Variants in KDM2B observed in about 807,000 individuals in gnomAD.
KDM2B encodes the protein lysine-specific demethylase 2B.
KDM2B carries 26 observed loss-of-function variants against 150.0 expected under a neutral mutation model. The observed-to-expected ratio is 0.17, with a 90% CI of 0.13 to 0.24. KDM2B has a LOEUF of 0.24. KDM2B is among the 10% of genes least tolerant of loss of function. KDM2B has a pLI of 1.00. For missense variants in KDM2B, 1,265 were observed against 1,816.9 expected (o/e 0.70, Z 5.52); for synonymous variants, 734 against 729.5 (o/e 1.01, Z -0.10).
the KDM2B span, chr12:121,417,599 G>A: frequency 1.2e-6 from 2 of 1,614,216 alleles, no homozygotes; most frequent in South Asian, 1.1e-5. The surrounding 1 kb of genome is among the most constrained non-coding windows in gnomAD (Gnocchi z 5.0). Context: ...TATTACAAGA[G>A]ACAGCATTTC....
intron 17 of KDM2B, 37 bp downstream of exon 17, chr12:121,443,643 C>A (rs781873146): frequency 6.1e-6 from 8 of 1,312,246 alleles, no homozygotes; most frequent in Non-Finnish European, 7.7e-6. Flanking sequence ...ACTCGCCAGT[C>A]CCCGGGGCCT....
chr12:121,517,013 G>A, intron 9 of KDM2B: 2 of 586,876 alleles, frequency 3.4e-6, no homozygotes, highest in East Asian at 5.6e-5. Flanking sequence ...TTCTGGGAAG[G>A]CTGCTTTCAC....
intron 12 of KDM2B, among the ~76,000 whole-genome samples, chr12:121,466,583 C>T (rs1879979775): frequency 6.6e-6 from 1 of 151,584 alleles, no homozygotes; most frequent in Middle Eastern, 3.4e-3. Context: ...GCCCGCGGCT[C>T]GCACCCCTTC....
chr12:121,442,850 C>A lies in KDM2B; in HGVS notation c.2605-14G>T. On this transcript the variant is annotated splice_polypyrimidine_tract_variant and intron_variant, in intron 18 of 22. Transcript: ENST00000377071. The surrounding 1 kb of genome is among the most constrained non-coding windows in gnomAD (Gnocchi z 7.7). ...CCAGGACCGCCGCTGAGGGCGAGAG[C>A]GGAGACGCGTCAGCCTCTGGGGCTC... The A allele has an allele frequency of 6.6e-7, 1 of 1,516,342 alleles. No homozygotes were observed. 93.9% of individuals were successfully genotyped at this position (1,516,342 alleles called of 1,614,324 possible).
chr12:121,441,046 CG>C (rs782747387), intron 20 of KDM2B, 23 bp downstream of exon 20: 11 of 1,613,458 alleles, frequency 6.8e-6, no homozygotes, highest in Admixed American at 1.7e-5. Flanking sequence ...CAGACACACT[CG>C]GGGCCACTGG....
Position 121,467,205 on chromosome 12 carries a change from T to TGGCCATGGCTCATGGTG in KDM2B, c.1735-13878_1735-13862dup. On this transcript the variant is annotated intron_variant, in intron 12 of 22. Transcript: ENST00000377071. This position sits in a 1 kb window ranked among gnomAD's most constrained non-coding sequence, Gnocchi z 5.1. The stretch of plus-strand genomic sequence containing the variant: ...TCGTCGTCCTCGGCGCTCACGGACA[T>TGGCCATGGCTCATGGTG]GGCCATGGCTCATGGTGGGCCCAGG... 1.4e-5 allele frequency: 15 copies of TGGCCATGGCTCATGGTG among 1,098,272 alleles called. No individual in the cohort carries two copies. Among genetic ancestry groups the TGGCCATGGCTCATGGTG allele is most frequent in the Non-Finnish European group, 1.7e-5 (15 of 888,286 alleles). The allele number at this position is 1,098,272 out of a possible 1,614,324, so 68.0% of individuals were successfully genotyped here.
rs1885793429 is a variant in KDM2B at position 121,513,758 on chromosome 12, T to C, written c.1048-356A>G. Reference sequence around the variant, plus strand: ...CCTGCAGGTGGGAGCCGCTGCCTGATTCTAGCTACAACAGACATAGGTTCC... The same window carrying C: ...CCTGCAGGTGGGAGCCGCTGCCTGACTCTAGCTACAACAGACATAGGTTCC... On this transcript the variant is annotated intron_variant, in intron 9 of 22. Coordinates refer to ENST00000377071, the MANE Select transcript of KDM2B (RefSeq NM_032590.5). The surrounding 1 kb of genome is among the most constrained non-coding windows in gnomAD (Gnocchi z 5.0). Among the ~76,000 whole-genome samples the C allele has an allele frequency of 6.6e-6, 1 of 152,138 alleles. No homozygotes were observed. Among genetic ancestry groups the C allele is most frequent in the Non-Finnish European group, 1.5e-5 (1 of 68,014 alleles).
chr12:121,418,660 A>C, the KDM2B span: 1 of 152,190 alleles, frequency 6.6e-6, no homozygotes, highest in Non-Finnish European at 1.5e-5. Context: ...ACGAGGCTGC[A>C]GGTGTACCAT....
chr12:121,423,264 C>G, the KDM2B span: 1 of 657,756 alleles, frequency 1.5e-6, no homozygotes, highest in Non-Finnish European at 2.6e-6. This position sits in a 1 kb window ranked among gnomAD's most constrained non-coding sequence, Gnocchi z 4.3. Context: ...TTGTACAACA[C>G]TGGGGTGGCA....
intron 11 of KDM2B, among the ~76,000 whole-genome samples, chr12:121,496,628 G>C (rs113538466): frequency 0.016 from 2,379 of 151,672 alleles, 74 homozygotes; most frequent in African/African-American, 0.055. Context: ...CTCAGTAGCC[G>C]GGACTACAAG....
In KDM2B at chr12:121,520,382, G is replaced by C. The variant is rs1555305657; in HGVS notation, c.1047+603C>G. On this transcript the variant is annotated intron_variant, in intron 9 of 22. Transcript: ENST00000377071. This position sits in a 1 kb window ranked among gnomAD's most constrained non-coding sequence, Gnocchi z 4.5. ...TTCGTAGGACATGGGGTGAGTGAGG[G>C]AAACTTGACGTCTGGGAAACTAGCA... is the stretch of plus-strand genomic sequence containing the variant. 6.6e-6 allele frequency among the ~76,000 whole-genome samples: 1 copy of C among 152,088 alleles called. No individual in the cohort carries two copies. The highest frequency in any genetic ancestry group is 1.5e-5 in the Non-Finnish European group (1 of 68,022).
intron 4 of KDM2B, among the ~76,000 whole-genome samples, chr12:121,567,939 G>A (rs1890828442): frequency 6.6e-6 from 1 of 151,860 alleles, no homozygotes; most frequent in African/African-American, 2.4e-5. Flanking sequence ...ATGTTGGCCA[G>A]GCTGATCTAG....
chr12:121,421,647 AG>A, the KDM2B span, among the ~76,000 whole-genome samples: 1 of 152,216 alleles, frequency 6.6e-6, no homozygotes, highest in African/African-American at 2.4e-5. Flanking sequence ...TTTATGGACA[AG>A]AAAAAATAAT....
the KDM2B span, chr12:121,417,468 A>T: frequency 2.6e-6 from 4 of 1,566,606 alleles, no homozygotes; most frequent in Non-Finnish European, 3.5e-6. The surrounding 1 kb of genome is among the most constrained non-coding windows in gnomAD (Gnocchi z 5.0). Flanking sequence ...ATAATGGTTT[A>T]TATCTTGCTG....
the KDM2B span, chr12:121,417,797 CT>C: frequency 6.2e-7 from 1 of 1,614,136 alleles, no homozygotes; most frequent in Admixed American, 1.7e-5. This position sits in a 1 kb window ranked among gnomAD's most constrained non-coding sequence, Gnocchi z 5.0. Flanking sequence ...AGACTTCTAG[CT>C]TTTTTACACG....
chr12:121,479,456 G>A (rs559059321), intron 12 of KDM2B, among the ~76,000 whole-genome samples: 1 of 108,930 alleles, frequency 9.2e-6, no homozygotes, highest in Non-Finnish European at 1.8e-5. Flanking sequence ...GACAGAGCGA[G>A]ACCCTGTCTC....
In KDM2B at chr12:121,444,526, G is replaced by A. The variant is rs1875794238; in HGVS notation, c.2114C>T (p.Ser705Leu). The A allele has an allele frequency of 1.2e-6, 2 of 1,614,052 alleles. No individual in the cohort carries two copies. ...IHPGCLKIKE[S>L]EGVVNDELPN... ...AAGCTCGTCGTTGACCACACCCTCT[G>A]ACTCCTTAATCTGCGGGGAACACCA... is the stretch of plus-strand genomic sequence containing the variant. Residue 705 changes from serine to leucine, a missense_variant, in exon 15 of 23, where the codon TCA (serine) becomes TTA (leucine). Physicochemically the swap from Ser to Leu is moderately radical, Grantham distance 145 (BLOSUM62 -2). This residue lies in a region of KDM2B where 38 missense variants were observed against 98.1 expected (regional missense o/e 0.39). Transcript: ENST00000377071.
chr12:121,451,478 G>A (rs1877274019), intron 13 of KDM2B, among the ~76,000 whole-genome samples: 1 of 152,168 alleles, frequency 6.6e-6, no homozygotes, highest in Admixed American at 6.5e-5. Flanking sequence ...CCCTTGTGTT[G>A]TTCAAGGGTC....
In KDM2B at chr12:121,442,710, G is replaced by A. The variant is rs574056393; in HGVS notation, c.2731C>T (p.Arg911Cys). ...GGTCCCGCGGTGGGGGAGCTGGAGC[G>A]GGAGTGGTCGCTCTCCCTGGTCTTG... ...PPKTRESDHS[R>C]SSSPTAGPST... Residue 911 changes from arginine (R) to cysteine (C), a missense_variant, in exon 19 of 23, where the codon CGC becomes TGC. Arg to Cys is a radical substitution (Grantham distance 180). Coordinates refer to ENST00000377071, the MANE Select transcript of KDM2B (RefSeq NM_032590.5). This position sits in a 1 kb window ranked among gnomAD's most constrained non-coding sequence, Gnocchi z 7.7. The A allele has an allele frequency of 7.0e-6, 11 of 1,581,714 alleles. No homozygotes were observed. In the East Asian group the frequency reaches 1.1e-4, roughly 16 times the overall value.
Sources: gnomAD v4.1 joint callset for allele counts (sites outside exome capture counted in the v4.1 genomes callset) on GRCh38, gnomAD v4.1.1 for gene constraint, gnomAD v4.1.1 regional missense constraint, Gnocchi (gnomAD v3.1) non-coding constraint, MANE v1.5 for transcripts, NCBI Gene and HGNC (gene_info 2026-07-23, HGNC 2026-07-21) for gene names.